The following EGFLAM variants were observed in gnomAD, a reference collection of about 807,000 sequenced individuals.
EGFLAM encodes the protein EGF like, fibronectin type III and laminin G domains.
Under a neutral mutation model 113.1 loss-of-function variants are expected in EGFLAM, and 79 were observed. The ratio of observed to expected loss-of-function variants is 0.70; its 90% CI spans 0.58 to 0.84. EGFLAM has a LOEUF of 0.84. EGFLAM is among the 40% of genes least tolerant of loss of function. The probability of loss-of-function intolerance (pLI) is 0.00; values close to 1 mark genes in which losing one functional copy is unlikely to be tolerated. For missense variants in EGFLAM, 1,265 were observed against 1,291.6 expected (o/e 0.98, Z 0.32); for synonymous variants, 504 against 487.6 (o/e 1.03, Z -0.44).
intron 1 of EGFLAM, among the ~76,000 whole-genome samples, chr5:38,327,658 G>T (rs1343119359): frequency 6.6e-6 from 1 of 151,956 alleles, no homozygotes; most frequent in Non-Finnish European, 1.5e-5. Flanking sequence ...AGAAGGGTTG[G>T]GTAGTCACTA....
chr5:38,289,330 T>C (rs1758251175), intron 1 of EGFLAM, among the ~76,000 whole-genome samples: 2 of 150,560 alleles, frequency 1.3e-5, no homozygotes, highest in South Asian at 4.2e-4. Flanking sequence ...TTGAAACCTG[T>C]AATAGGCTCC....
chr5:38,409,729 TCCAA>T (rs1561075513), intron 10 of EGFLAM, among the ~76,000 whole-genome samples: 1 of 152,140 alleles, frequency 6.6e-6, no homozygotes. Flanking sequence ...GAGAGGAGCC[TCCAA>T]CCTCCTATGG....
intron 17 of EGFLAM, among the ~76,000 whole-genome samples, chr5:38,441,704 T>C (rs1443437818): frequency 6.6e-6 from 1 of 152,128 alleles, no homozygotes; most frequent in East Asian, 1.9e-4. Flanking sequence ...CAATTCTCTC[T>C]CTTCTGCAGA....
chr5:38,431,123 C>A, intron 14 of EGFLAM, 54 bp from the exon 15 acceptor site: 1 of 1,518,184 alleles, frequency 6.6e-7, no homozygotes, highest in South Asian at 1.2e-5. Context: ...TCTGGGCATT[C>A]CTTATCCTAA....
At chr5:38,437,725 G>A (rs1278696255) in intron 16 of EGFLAM, among the ~76,000 whole-genome samples, 15 of 152,268 alleles carry the variant, frequency 9.9e-5, no homozygotes, top group Admixed American at 3.9e-4. Flanking sequence ...CAACCTAACC[G>A]AGTGGCCAGT....
chr5:38,333,916 G>GTTTTTTTTTTTTTTTTT (rs70978880), intron 1 of EGFLAM, among the ~76,000 whole-genome samples: 1 of 29,308 alleles, frequency 3.4e-5, no homozygotes, highest in African/African-American at 1.6e-4. Flanking sequence ...ATTGTTGAGG[G>GTTTTTTTTTTTTTTTTT]TTTTTTTTTT....
At chr5:38,269,425 A>G (rs1269283150) in intron 1 of EGFLAM, among the ~76,000 whole-genome samples, 2 of 152,102 alleles carry the variant, frequency 1.3e-5, no homozygotes, top group African/African-American at 2.4e-5. Flanking sequence ...TTTGATGAAG[A>G]TGAAGATGCT....
rs190720535 is a variant in EGFLAM at position 38,414,171 on chromosome 5, G to C, written c.1494+1523G>C. ...AAATATCTCATTAGTTTGGATCCCA[G>C]TGATTCCAAAGGATTAAGAATTCAA... On this transcript the variant is annotated intron_variant, in intron 11 of 21. Coordinates refer to ENST00000322350, the MANE Select transcript of EGFLAM (RefSeq NM_152403.4). Among the ~76,000 whole-genome samples the C allele has an allele frequency of 2.4e-3, 359 of 147,662 alleles. 2 individuals are homozygous for C. The highest frequency in any genetic ancestry group is 8.3e-3 in the African/African-American group (332 of 40,242).
At chr5:38,454,393 G>T (rs1401344368) in intron 19 of EGFLAM, among the ~76,000 whole-genome samples, 3 of 152,066 alleles carry the variant, frequency 2.0e-5, no homozygotes, top group African/African-American at 7.2e-5. Context: ...CTCAGCCTCT[G>T]TCCCCTCCTT....
At position 38,457,121 on chromosome 5, in the gene EGFLAM, AT is replaced by A. The variant is rs376298899; in HGVS notation, c.2688-1189del. On this transcript the variant is annotated intron_variant, in intron 19 of 21. Transcript: ENST00000322350. ...TAGAGAAACCTGATAGCAGAGTTAA[AT>A]GGATAAGGGCAGAGGATACACCAAG... is the stretch of plus-strand genomic sequence containing the variant. Among the ~76,000 whole-genome samples the A allele has an allele frequency of 5.4e-4, 83 of 152,332 alleles. 2 individuals carry two copies. The East Asian group carries it at 7.5e-3, about 14-fold the overall frequency.
At chr5:38,360,540 C>T (rs1477432722) in intron 5 of EGFLAM, among the ~76,000 whole-genome samples, 2 of 152,170 alleles carry the variant, frequency 1.3e-5, no homozygotes, top group East Asian at 3.9e-4. Context: ...GGGCTGGACT[C>T]CCTAGTGCAA....
rs551416708 is a variant in EGFLAM, at chr5:38,326,855, A to G, written c.98-10665A>G. Among the ~76,000 whole-genome samples, 49 of 143,260 alleles carry G rather than the reference A, an allele frequency of 3.4e-4. 1 individual carries two copies. The South Asian group carries it at 0.01, about 30-fold the overall frequency. 94.0% of individuals were successfully genotyped at this position (143,260 alleles called of 152,430 possible). Reference sequence around the variant, plus strand: ...GCTCTGTCACCCAGGCTGGCGTTCAATGGCGCAATCTCGGCTCACAGCAAC... The same window carrying G: ...GCTCTGTCACCCAGGCTGGCGTTCAGTGGCGCAATCTCGGCTCACAGCAAC... On this transcript the variant is annotated intron_variant, in intron 1 of 21. Transcript: ENST00000322350.
At position 38,264,456 on chromosome 5, in the gene EGFLAM, G is replaced by A. The variant is rs116564831; in HGVS notation, c.97+5605G>A. The stretch of plus-strand genomic sequence containing the variant: ...CTGGAAGAGAAGGGTTAGCTTGTGG[G>A]CAATACATCTTGTTGGTTGCTGGTA... On this transcript the variant is annotated intron_variant, in intron 1 of 21. Transcript: ENST00000322350. Among the ~76,000 whole-genome samples the A allele has an allele frequency of 7.3e-3, 1,110 of 152,290 alleles. 19 individuals carry two copies. Among genetic ancestry groups the A allele is most frequent in the African/African-American group, 0.025 (1,055 of 41,554 alleles).
chr5:38,460,412 G>C (rs1215133443), intron 20 of EGFLAM, among the ~76,000 whole-genome samples: 2 of 152,188 alleles, frequency 1.3e-5, no homozygotes, highest in Non-Finnish European at 2.9e-5. Flanking sequence ...GCCAAGATTA[G>C]AATCCCAGCT....
chr5:38,460,156 A>C, intron 20 of EGFLAM, among the ~76,000 whole-genome samples: 1 of 152,210 alleles, frequency 6.6e-6, no homozygotes, highest in East Asian at 1.9e-4. Flanking sequence ...ACCACACTTG[A>C]TCCCTACAAA....
intron 1 of EGFLAM, among the ~76,000 whole-genome samples, chr5:38,310,636 AT>A (rs1240515869): frequency 3.3e-5 from 5 of 151,896 alleles, no homozygotes; most frequent in South Asian, 4.2e-4. Context: ...AAAAAAATCA[AT>A]TTTTTTCCCT....
At chr5:38,334,539 A>G (rs991218201) in intron 1 of EGFLAM, among the ~76,000 whole-genome samples, 1 of 152,192 alleles carries the variant, frequency 6.6e-6, no homozygotes, top group African/African-American at 2.4e-5. Context: ...CACATCTACA[A>G]ATATGATTAC....
intron 17 of EGFLAM, 94 bp from the exon 18 acceptor site, chr5:38,448,207 T>C (rs1168127616): frequency 3.0e-5 from 40 of 1,327,426 alleles, no homozygotes; most frequent in Non-Finnish European, 4.0e-5. Context: ...AAACATCCTA[T>C]TTCCAGGAGC....
chr5:38,357,657 T>C (rs1169338475), intron 5 of EGFLAM, among the ~76,000 whole-genome samples: 1 of 152,138 alleles, frequency 6.6e-6, no homozygotes, highest in East Asian at 1.9e-4. Context: ...GGCTAGGAAA[T>C]TGTAGAAATT....
Sources: allele counts gnomAD v4.1 joint callset (sites outside exome capture counted in the v4.1 genomes callset), GRCh38; gene constraint gnomAD v4.1.1; transcripts MANE v1.5; gene names NCBI Gene and HGNC (gene_info 2026-07-23, HGNC 2026-07-21).